Variants in CNBD1 observed in about 807,000 individuals in gnomAD.
CNBD1 encodes the protein cyclic nucleotide-binding domain-containing protein 1.
A neutral mutation model predicts 54.4 loss-of-function variants in CNBD1; 71 were observed. The observed-to-expected ratio is 1.30, with a 90% CI of 1.08 to 1.59. CNBD1 has a LOEUF of 1.59. Ranked by LOEUF, CNBD1 falls within the 40% of genes most tolerant of loss-of-function variation. The pLI is 0.00. For synonymous variants in CNBD1, 182 were observed against 170.7 expected (o/e 1.07, Z -0.51); for missense variants, 659 against 518.0 (o/e 1.27, Z -2.64).
At chr8:87,065,486 G>T (rs1335076360) in intron 4 of CNBD1, among the ~76,000 whole-genome samples, 1 of 151,888 alleles carries the variant, frequency 6.6e-6, no homozygotes, top group Non-Finnish European at 1.5e-5. Flanking sequence ...AATGTTGGAT[G>T]TAGTCCCTCT....
chr8:86,978,541 T>A (rs1442215496), intron 4 of CNBD1, among the ~76,000 whole-genome samples: 1 of 139,564 alleles, frequency 7.2e-6, no homozygotes, highest in African/African-American at 2.7e-5. Context: ...TATCTTTTTT[T>A]TTTTTTTTTT....
intron 8 of CNBD1, among the ~76,000 whole-genome samples, chr8:87,332,320 C>T (rs1809852780): frequency 1.3e-5 from 2 of 150,666 alleles, no homozygotes; most frequent in Non-Finnish European, 2.9e-5. Context: ...TGCACTCCAG[C>T]CTGTGGGACA....
intron 2 of CNBD1, among the ~76,000 whole-genome samples, chr8:87,414,790 ATT>A (rs10709999): frequency 6.6e-6 from 1 of 151,790 alleles, no homozygotes; most frequent in East Asian, 1.9e-4. Flanking sequence ...TTTAAAAAGG[ATT>A]TTTTTTACAA....
chr8:87,281,756 C>T (rs1808606710), intron 6 of CNBD1, among the ~76,000 whole-genome samples: 1 of 150,644 alleles, frequency 6.6e-6, no homozygotes, highest in Non-Finnish European at 1.5e-5. Context: ...GATAATTTCT[C>T]ATTTTTAAAG....
At chr8:87,306,300 G>T (rs1038365046) in intron 8 of CNBD1, among the ~76,000 whole-genome samples, 1 of 152,164 alleles carries the variant, frequency 6.6e-6, no homozygotes, top group South Asian at 2.1e-4. Context: ...CTGCTGGTGG[G>T]AGTGTAAACT....
chr8:86,880,351 G>A (rs908719667), intron 1 of CNBD1, among the ~76,000 whole-genome samples: 2 of 148,348 alleles, frequency 1.3e-5, no homozygotes, highest in South Asian at 2.1e-4. Context: ...AAAAAAAAAC[G>A]TAATACTACA....
intron 4 of CNBD1, among the ~76,000 whole-genome samples, chr8:87,069,297 T>C (rs2130649871): frequency 6.6e-6 from 1 of 152,198 alleles, no homozygotes; most frequent in South Asian, 2.1e-4. Context: ...TGTCAAGCAG[T>C]GGCAGATATA....
intron 8 of CNBD1, among the ~76,000 whole-genome samples, chr8:87,327,467 G>A (rs569886647): frequency 7.9e-4 from 120 of 152,336 alleles, no homozygotes; most frequent in African/African-American, 1.9e-3. Flanking sequence ...TTCCGTGGGC[G>A]TAGGATACTC....
At chr8:87,376,200 A>C (rs1348373565) in intron 10 of CNBD1, among the ~76,000 whole-genome samples, 1 of 151,870 alleles carries the variant, frequency 6.6e-6, no homozygotes, top group Non-Finnish European at 1.5e-5. Context: ...TAAACAACAA[A>C]CGTTTATTTT....
chr8:87,226,122 C>A (rs960011710), intron 5 of CNBD1, among the ~76,000 whole-genome samples: 3 of 151,944 alleles, frequency 2.0e-5, no homozygotes, highest in Admixed American at 1.3e-4. Context: ...CTGTTTGATT[C>A]TTCTCTCTTT....
At chr8:87,228,553 G>T (rs559556119) in intron 5 of CNBD1, among the ~76,000 whole-genome samples, 81 of 150,390 alleles carry the variant, frequency 5.4e-4, no homozygotes, top group Non-Finnish European at 9.6e-4. Context: ...TAGGCTGCTC[G>T]GGGGTCAGGG....
chr8:87,151,482 G>A (rs1812602426), intron 4 of CNBD1, among the ~76,000 whole-genome samples: 4 of 152,146 alleles, frequency 2.6e-5, no homozygotes, highest in Non-Finnish European at 4.4e-5. Context: ...TGTAGATGGT[G>A]TTAAGTTTTG....
In CNBD1 at chr8:87,303,082, A is replaced by G. The variant is rs182374162; in HGVS notation, c.1042+16411A>G. ...CTGCCCAAGGTAATTTATAGATTCA[A>G]TGCTATCCCCATCAAGCTACCAATG... On this transcript the variant is annotated intron_variant, in intron 8 of 10. Transcript: ENST00000518476. 2.4e-3 allele frequency among the ~76,000 whole-genome samples: 366 copies of G among 152,108 alleles called. 2 individuals carry two copies. Among genetic ancestry groups the G allele is most frequent in the African/African-American group, 8.1e-3 (337 of 41,504 alleles).
chr8:87,276,812 C>T (rs757155513), intron 6 of CNBD1, among the ~76,000 whole-genome samples: 3 of 150,486 alleles, frequency 2.0e-5, no homozygotes, highest in Non-Finnish European at 4.4e-5. Context: ...CAACAGCTTG[C>T]AAGCATCATA....
chr8:87,250,225 G>C (rs2130838404), intron 6 of CNBD1, among the ~76,000 whole-genome samples: 1 of 152,216 alleles, frequency 6.6e-6, no homozygotes, highest in East Asian at 1.9e-4. Context: ...ATGAAAGAAT[G>C]CTCAACATAA....
chr8:87,422,757 G>C (rs1343114059), intron 2 of CNBD1, among the ~76,000 whole-genome samples: 1 of 152,104 alleles, frequency 6.6e-6, no homozygotes, highest in Non-Finnish European at 1.5e-5. Context: ...GACGATGCGG[G>C]CTCTTTTTTG....
At chr8:87,064,732 T>C (rs960221598) in intron 4 of CNBD1, among the ~76,000 whole-genome samples, 1 of 151,968 alleles carries the variant, frequency 6.6e-6, no homozygotes, top group Non-Finnish European at 1.5e-5. Flanking sequence ...AAGGATACTT[T>C]CTCTGGCTGT....
intron 2 of CNBD1, among the ~76,000 whole-genome samples, chr8:87,405,799 G>T (rs1401618796): frequency 6.6e-6 from 1 of 152,056 alleles, no homozygotes; most frequent in Admixed American, 6.6e-5. Flanking sequence ...AATACACCCT[G>T]GTCACTGTTT....
chr8:86,876,175 GTGTGTGTT>G (rs1334358589), intron 1 of CNBD1, among the ~76,000 whole-genome samples: 2 of 61,112 alleles, frequency 3.3e-5, no homozygotes, highest in Admixed American at 1.7e-4. Flanking sequence ...ATACCTGTGT[GTGTGTGTT>G]TGTGTGTGTG....
Sources: allele counts gnomAD v4.1 joint callset (sites outside exome capture counted in the v4.1 genomes callset), GRCh38; gene constraint gnomAD v4.1.1; transcripts MANE v1.5; gene names NCBI Gene and HGNC (gene_info 2026-07-23, HGNC 2026-07-21).